Variants in CNTN5 observed in about 807,000 individuals in gnomAD.
CNTN5 encodes the protein contactin-5.
In CNTN5, 77 loss-of-function variants were observed where a neutral mutation model predicts 129.1. The ratio of observed to expected loss-of-function variants is 0.60; its 90% CI spans 0.50 to 0.72. The LOEUF is 0.72. Among genes scored for constraint, CNTN5 ranks in the 30% least tolerant of loss-of-function variants. The probability of loss-of-function intolerance (pLI) is 0.00; values close to 1 mark genes in which losing one functional copy is unlikely to be tolerated. For missense variants in CNTN5, 1,478 were observed against 1,328.8 expected (o/e 1.11, Z -1.75); for synonymous variants, 509 against 465.6 (o/e 1.09, Z -1.20).
intron 2 of CNTN5, among the ~76,000 whole-genome samples, chr11:99,385,272 C>G (rs757753843): frequency 3.3e-5 from 5 of 152,062 alleles, no homozygotes; most frequent in Non-Finnish European, 7.4e-5. Context: ...AACCTTGCAT[C>G]TTTTGATCAA....
At chr11:99,549,729 C>G (rs1180994853) in intron 2 of CNTN5, among the ~76,000 whole-genome samples, 1 of 152,070 alleles carries the variant, frequency 6.6e-6, no homozygotes, top group Non-Finnish European at 1.5e-5. Flanking sequence ...CAACACAAGG[C>G]CTGTCAGAAT....
intron 1 of CNTN5, among the ~76,000 whole-genome samples, chr11:99,115,519 GAGGCTGAGGTT>G (rs1858003954): frequency 6.6e-6 from 1 of 152,170 alleles, no homozygotes; most frequent in Non-Finnish European, 1.5e-5. Context: ...AGCACTTTGT[GAGGCTGAGGTT>G]AGGCGGATCA....
At chr11:99,782,705 C>T (rs1212104267) in intron 3 of CNTN5, among the ~76,000 whole-genome samples, 1 of 151,910 alleles carries the variant, frequency 6.6e-6, no homozygotes, top group Non-Finnish European at 1.5e-5. Flanking sequence ...TTTGACAAAC[C>T]TGAGAAAAAC....
chr11:100,057,084 C>T (rs1032880776), intron 9 of CNTN5, among the ~76,000 whole-genome samples: 1 of 150,744 alleles, frequency 6.6e-6, no homozygotes. Flanking sequence ...TGTGGCCATA[C>T]GTTTGATGTC....
At chr11:99,889,294 GTGTGTGTGTGTGTGTGT>G (rs1948984397) in intron 6 of CNTN5, among the ~76,000 whole-genome samples, 1 of 4,826 alleles carries the variant, frequency 2.1e-4, no homozygotes, top group Non-Finnish European at 3.5e-4. Flanking sequence ...CAGAGCAGGT[GTGTGTGTGTGTGTGTGT>G]GTGTGTGTGT....
intron 2 of CNTN5, among the ~76,000 whole-genome samples, chr11:99,404,220 T>C (rs1191841501): frequency 2.6e-5 from 4 of 152,040 alleles, no homozygotes; most frequent in Non-Finnish European, 4.4e-5. Flanking sequence ...TATTTTTTCA[T>C]CCGTTTATTT....
chr11:99,591,425 C>T (rs1429691993), intron 3 of CNTN5, among the ~76,000 whole-genome samples: 5 of 146,166 alleles, frequency 3.4e-5, no homozygotes, highest in Non-Finnish European at 5.9e-5. Context: ...GAAACCTCTG[C>T]CTCCTGGGTT....
intron 10 of CNTN5, among the ~76,000 whole-genome samples, chr11:100,068,838 A>T (rs1943794572): frequency 6.6e-6 from 1 of 152,190 alleles, no homozygotes; most frequent in South Asian, 2.1e-4. Context: ...TGGCCAGAAG[A>T]CCAGTAAGCT....
chr11:99,716,729 G>C (rs1260133536), intron 3 of CNTN5, among the ~76,000 whole-genome samples: 2 of 152,026 alleles, frequency 1.3e-5, no homozygotes, highest in Non-Finnish European at 2.9e-5. Flanking sequence ...ATATTTTTAA[G>C]TAATTTGTTT....
chr11:99,625,831 TAAG>T (rs1199653386), intron 3 of CNTN5, among the ~76,000 whole-genome samples: 1 of 151,698 alleles, frequency 6.6e-6, no homozygotes, highest in Non-Finnish European at 1.5e-5. Flanking sequence ...CACGATGACG[TAAG>T]AAGTAGAAAG....
chr11:99,549,082 G>A (rs557679781), intron 2 of CNTN5, among the ~76,000 whole-genome samples: 2 of 119,230 alleles, frequency 1.7e-5, no homozygotes, highest in East Asian at 3.0e-4. Flanking sequence ...CTTTCTCATG[G>A]TGTCAATTCC....
intron 18 of CNTN5, among the ~76,000 whole-genome samples, chr11:100,293,553 T>G (rs1951040891): frequency 6.6e-6 from 1 of 151,832 alleles, no homozygotes; most frequent in South Asian, 2.1e-4. Context: ...CAGAAAATAA[T>G]ATTAAGTAAT....
chr11:100,059,095 G>A (rs1943358715), intron 9 of CNTN5, among the ~76,000 whole-genome samples: 1 of 152,124 alleles, frequency 6.6e-6, no homozygotes, highest in African/African-American at 2.4e-5. Flanking sequence ...GAATTGAGAA[G>A]CCTGAAGCAG....
At chr11:100,295,971 T>C (rs1349535347) in intron 18 of CNTN5, among the ~76,000 whole-genome samples, 1 of 151,496 alleles carries the variant, frequency 6.6e-6, no homozygotes, top group East Asian at 1.9e-4. Flanking sequence ...AGAGAAGCAG[T>C]AATGGCATGA....
intron 1 of CNTN5, among the ~76,000 whole-genome samples, chr11:99,073,276 G>A (rs1865413520): frequency 6.6e-6 from 1 of 151,264 alleles, no homozygotes; most frequent in Admixed American, 6.6e-5. Context: ...AATATACTTA[G>A]CTTTCGTAGA....
chr11:99,127,429 G>A (rs1858695557), intron 1 of CNTN5, among the ~76,000 whole-genome samples: 1 of 152,098 alleles, frequency 6.6e-6, no homozygotes, highest in Non-Finnish European at 1.5e-5. Flanking sequence ...GAGACATGTA[G>A]TATGCTTCTA....
intron 23 of CNTN5, among the ~76,000 whole-genome samples, chr11:100,346,311 A>C (rs1294164158): frequency 2.0e-5 from 3 of 152,164 alleles, no homozygotes; most frequent in African/African-American, 7.2e-5. Flanking sequence ...CTTATTGACT[A>C]AAGTATATTC....
intron 3 of CNTN5, among the ~76,000 whole-genome samples, chr11:99,684,695 T>G (rs1224716970): frequency 6.6e-6 from 1 of 151,912 alleles, no homozygotes; most frequent in Non-Finnish European, 1.5e-5. Flanking sequence ...GTTAGCTTAG[T>G]GTTTTATTCT....
intron 24 of CNTN5, 115 bp from the exon 25 acceptor site, chr11:100,356,002 T>C (rs1952514206): frequency 1.5e-6 from 1 of 677,822 alleles, no homozygotes; most frequent in Admixed American, 2.4e-5. Context: ...AAGAACACTC[T>C]CATCAGAAAC....
Sources: gnomAD v4.1 joint callset for allele counts (sites outside exome capture counted in the v4.1 genomes callset) on GRCh38, gnomAD v4.1.1 for gene constraint, MANE v1.5 for transcripts, NCBI Gene and HGNC (gene_info 2026-07-23, HGNC 2026-07-21) for gene names.